CPEB2: variants seen among roughly 807,000 people sequenced by gnomAD.
The protein encoded by CPEB2 is cytoplasmic polyadenylation element binding protein 2.
CPEB2 carries 56 observed loss-of-function variants against 93.6 expected under a neutral mutation model. The ratio of observed to expected loss-of-function variants is 0.60; its 90% CI spans 0.48 to 0.75. CPEB2 has a LOEUF of 0.75. CPEB2 is among the 30% of genes least tolerant of loss of function. The pLI is 0.00. For missense variants in CPEB2, 1,579 were observed against 1,395.1 expected (o/e 1.13, Z -2.10); for synonymous variants, 764 against 586.3 (o/e 1.30, Z -4.38).
chr4:15,063,610 C>T (rs753790155), intron 11 of CPEB2: 1 of 152,050 alleles, frequency 6.6e-6, no homozygotes, highest in Non-Finnish European at 1.5e-5. Flanking sequence ...AGACCGCTAA[C>T]AGAGAGGTGA....
At chr4:15,058,339 C>A in intron 8 of CPEB2, 82 bp from the exon 9 acceptor site, 5 of 715,312 alleles carry the variant, frequency 7.0e-6, no homozygotes, top group Admixed American at 4.9e-5. Context: ...TTTTCAAAAG[C>A]ATGTATTTTC....
At chr4:15,016,345 C>T (rs758613441) in intron 3 of CPEB2, among the ~76,000 whole-genome samples, 9 of 152,000 alleles carry the variant, frequency 5.9e-5, no homozygotes, top group Non-Finnish European at 8.8e-5. Flanking sequence ...TTCAGGTACA[C>T]TGAGTATGTA....
intron 4 of CPEB2, among the ~76,000 whole-genome samples, chr4:15,024,953 G>A (rs1303348083): frequency 6.6e-6 from 1 of 151,688 alleles, no homozygotes; most frequent in East Asian, 1.9e-4. Context: ...ACTGTGTTTG[G>A]CCAAGCTGGT....
rs1331836223 is a variant in CPEB2 at position 15,068,861 on chromosome 4, C to T, written c.*2481C>T. ...TACCTTCATTTCTGTACAAGTAAAG[C>T]TTATTAGTCTAATGTTTTGTTCCTT... On this transcript the variant is annotated 3_prime_UTR_variant, in exon 12 of 12. Coordinates refer to ENST00000538197, the MANE Select transcript of CPEB2 (RefSeq NM_001177382.2). The T allele has an allele frequency of 1.3e-5, 2 of 152,090 alleles. No individual in the cohort carries two copies. Among genetic ancestry groups the T allele is most frequent in the Admixed American group, 6.6e-5 (1 of 15,196 alleles). The allele number at this position is 152,090 out of a possible 1,614,324, so 9.4% of individuals were successfully genotyped here. A position where few individuals can be genotyped will look rare whatever the true frequency, so the allele number is the denominator to read the frequency against.
At position 15,002,742 on chromosome 4, in the gene CPEB2, C is replaced by G. The variant is rs1722118119; in HGVS notation, c.69C>G (p.Phe23Leu). The G allele has an allele frequency of 1.1e-5, 17 of 1,535,156 alleles. No individual in the cohort carries two copies. The highest frequency in any genetic ancestry group is 1.3e-5 in the Non-Finnish European group (15 of 1,146,584). Reference protein sequence around the residue: ...PLRSSSPGPLFCGEAYGPYAV... With the variant: ...PLRSSSPGPLLCGEAYGPYAV... ...GAAGTAGCAGTCCTGGGCCCCTGTT[C>G]TGCGGCGAGGCGTATGGTCCTTACG... Residue 23 changes from phenylalanine to leucine, a missense_variant, in exon 1 of 12, where the codon TTC (phenylalanine) becomes TTG (leucine). By Grantham distance (22) the Phe-to-Leu change is conservative. Around this residue, in one of 2 missense-constraint regions of CPEB2, gnomAD observed 1,411 missense variants for 1,056.0 expected, o/e 1.34. Coordinates refer to ENST00000538197, the MANE Select transcript of CPEB2 (RefSeq NM_001177382.2).
chr4:15,031,470 G>A (rs1373739859), intron 4 of CPEB2, among the ~76,000 whole-genome samples: 4 of 152,110 alleles, frequency 2.6e-5, no homozygotes, highest in African/African-American at 4.8e-5. Context: ...TGTTGATTGT[G>A]TACTTCCCAT....
intron 3 of CPEB2, among the ~76,000 whole-genome samples, chr4:15,013,672 A>C (rs144768716): frequency 7.4e-4 from 112 of 152,164 alleles, no homozygotes; most frequent in African/African-American, 2.5e-3. Flanking sequence ...TATCTTTTGC[A>C]TGTAAGCCTA....
At chr4:15,051,225 A>G (rs1728192110) in intron 6 of CPEB2, among the ~76,000 whole-genome samples, 1 of 152,126 alleles carries the variant, frequency 6.6e-6, no homozygotes, top group Non-Finnish European at 1.5e-5. Flanking sequence ...TCCCTAATGC[A>G]TAGAAAAAGT....
At chr4:15,033,901 T>C (rs1400508406) in intron 5 of CPEB2, among the ~76,000 whole-genome samples, 2 of 151,218 alleles carry the variant, frequency 1.3e-5, no homozygotes, top group African/African-American at 4.9e-5. Flanking sequence ...GGGGAAAGAA[T>C]AGAAATAGTA....
In CPEB2 at chr4:15,004,257, C is replaced by T. The variant is rs1257242905; in HGVS notation, c.1584C>T (p.Val528=). The change falls in exon 1 of 12, where the codon GTC becomes GTT. Residue 528 remains valine (V), a synonymous_variant. Coordinates refer to ENST00000538197, the MANE Select transcript of CPEB2 (RefSeq NM_001177382.2). ...AGCCGCAGAGCCGGAGGTCGCCCGT[C>T]AGCCCGCAGCTCCAGCAGCAGCACC... is the stretch of plus-strand genomic sequence containing the variant. ...PQQPQSRRSP[V]SPQLQQQHQA... is the part of the protein sequence containing the mutation. 4 of 1,494,440 alleles carry T rather than the reference C, an allele frequency of 2.7e-6. No individual in the cohort carries two copies. Among genetic ancestry groups the T allele is most frequent in the Non-Finnish European group, 3.5e-6 (4 of 1,129,298 alleles). 92.6% of individuals were successfully genotyped at this position (1,494,440 alleles called of 1,614,324 possible).
At chr4:15,042,727 A>G (rs1373938976) in intron 6 of CPEB2, among the ~76,000 whole-genome samples, 1 of 152,148 alleles carries the variant, frequency 6.6e-6, no homozygotes, top group Non-Finnish European at 1.5e-5. Context: ...AAGTAATGCA[A>G]TTTTTTTAAA....
chr4:15,018,793 C>T (rs1165383137), intron 4 of CPEB2, among the ~76,000 whole-genome samples: 1 of 142,032 alleles, frequency 7.0e-6, no homozygotes, highest in Non-Finnish European at 1.5e-5. Context: ...GCTTTTTAAA[C>T]ATGTTAGACA....
chr4:15,017,155 G>T, intron 3 of CPEB2, 33 bp from the exon 4 acceptor site: 1 of 1,239,586 alleles, frequency 8.1e-7, no homozygotes, highest in Non-Finnish European at 1.2e-6. Flanking sequence ...AAACTGCATA[G>T]ATTATAATGT....
At chr4:15,044,589 G>A (rs1466499820) in intron 6 of CPEB2, among the ~76,000 whole-genome samples, 1 of 152,002 alleles carries the variant, frequency 6.6e-6, no homozygotes, top group Non-Finnish European at 1.5e-5. Flanking sequence ...AAACCTATTG[G>A]AGCAAAACAT....
chr4:15,021,804 G>A (rs1352542458), intron 4 of CPEB2, among the ~76,000 whole-genome samples: 2 of 151,982 alleles, frequency 1.3e-5, no homozygotes, highest in African/African-American at 2.4e-5. Context: ...TGTATATCTA[G>A]TGTCATTTTT....
intron 2 of CPEB2, 52 bp from the exon 3 acceptor site, chr4:15,008,286 G>C: frequency 8.2e-7 from 1 of 1,224,894 alleles, no homozygotes; most frequent in South Asian, 1.2e-5. Flanking sequence ...CGTTGGGTGG[G>C]TATGGGGAAG....
chr4:15,026,431 T>C (rs1455981533), intron 4 of CPEB2, among the ~76,000 whole-genome samples: 1 of 152,150 alleles, frequency 6.6e-6, no homozygotes, highest in African/African-American at 2.4e-5. Context: ...TTTCACCATG[T>C]TAGCCAGGAT....
At chr4:15,019,328 CT>C (rs1681517682) in intron 4 of CPEB2, among the ~76,000 whole-genome samples, 2 of 148,702 alleles carry the variant, frequency 1.3e-5, no homozygotes, top group African/African-American at 4.9e-5. Context: ...TTTTTCCTTT[CT>C]TTTCTTATTA....
chr4:15,043,573 G>T (rs533381845), intron 6 of CPEB2, among the ~76,000 whole-genome samples: 1 of 152,238 alleles, frequency 6.6e-6, no homozygotes, highest in African/African-American at 2.4e-5. Flanking sequence ...AGTAGGATGA[G>T]GGTTGTGAAG....
Sources: gnomAD v4.1 joint callset for allele counts (sites outside exome capture counted in the v4.1 genomes callset) on GRCh38, gnomAD v4.1.1 for gene constraint, gnomAD v4.1.1 regional missense constraint, MANE v1.5 for transcripts, NCBI Gene and HGNC (gene_info 2026-07-23, HGNC 2026-07-21) for gene names.